GLRA3: variants seen among roughly 807,000 people sequenced by gnomAD.
GLRA3 encodes glycine receptor subunit alpha-3.
A neutral mutation model predicts 60.4 loss-of-function variants in GLRA3; 44 were observed. That is an observed-to-expected ratio of 0.73 (90% CI 0.57 to 0.94). GLRA3 has a LOEUF of 0.94. Among genes scored for constraint, GLRA3 ranks in the 40% least tolerant of loss-of-function variants. GLRA3 has a pLI of 0.00. For synonymous variants in GLRA3, 223 were observed against 192.9 expected (o/e 1.16, Z -1.29); for missense variants, 508 against 564.6 (o/e 0.90, Z 1.02).
At chr4:174,750,053 C>T (rs1225585020) in intron 3 of GLRA3, among the ~76,000 whole-genome samples, 2 of 152,256 alleles carry the variant, frequency 1.3e-5, no homozygotes, top group East Asian at 3.9e-4. Context: ...AACCTTCCAT[C>T]ACTGCCCTCA....
intron 7 of GLRA3, among the ~76,000 whole-genome samples, chr4:174,659,988 G>T (rs1356301953): frequency 8.1e-6 from 1 of 123,210 alleles, no homozygotes. Context: ...AAAAAAAATA[G>T]TAATAAGGAC....
intron 2 of GLRA3, among the ~76,000 whole-genome samples, chr4:174,768,479 T>C (rs955679765): frequency 1.3e-5 from 2 of 152,140 alleles, no homozygotes; most frequent in African/African-American, 2.4e-5. Context: ...ATCCAAGGAT[T>C]TTTATTTTTA....
At chr4:174,692,067 G>C (rs561031781) in intron 5 of GLRA3, among the ~76,000 whole-genome samples, 16 of 144,472 alleles carry the variant, frequency 1.1e-4, no homozygotes, top group Non-Finnish European at 2.0e-4. Context: ...GGTGAGGAGC[G>C]TCTCTGCTGG....
intron 1 of GLRA3, among the ~76,000 whole-genome samples, chr4:174,806,698 C>T (rs1422311107): frequency 2.0e-5 from 3 of 151,972 alleles, no homozygotes; most frequent in Admixed American, 1.3e-4. Context: ...TGTGGAAATA[C>T]GACTTTATTT....
intron 2 of GLRA3, among the ~76,000 whole-genome samples, chr4:174,783,775 AT>A (rs1361068454): frequency 6.6e-6 from 1 of 151,340 alleles, no homozygotes; most frequent in East Asian, 1.9e-4. Flanking sequence ...ATGAGATACC[AT>A]CTCACACCAG....
At chr4:174,704,266 C>T (rs1366313898) in intron 5 of GLRA3, among the ~76,000 whole-genome samples, 6 of 143,444 alleles carry the variant, frequency 4.2e-5, no homozygotes, top group South Asian at 2.2e-4. Flanking sequence ...TGCACTCCAG[C>T]GCGGGCAACA....
chr4:174,704,029 A>T (rs34944090), intron 5 of GLRA3, among the ~76,000 whole-genome samples: 73,073 of 123,024 alleles, frequency 0.59, 23,945 homozygotes, highest in East Asian at 0.95. Flanking sequence ...GCACGGTGGC[A>T]CAGGCATGTA....
intron 1 of GLRA3, among the ~76,000 whole-genome samples, chr4:174,825,650 A>G (rs1280788881): frequency 6.6e-6 from 1 of 152,104 alleles, no homozygotes; most frequent in Non-Finnish European, 1.5e-5. Flanking sequence ...TTTGTTCTTT[A>G]TTTTATTAAT....
intron 4 of GLRA3, 150 bp from the exon 5 acceptor site, chr4:174,715,720 G>T: frequency 2.0e-6 from 1 of 503,906 alleles, no homozygotes; most frequent in Non-Finnish European, 3.6e-6. Flanking sequence ...CTATAAAATA[G>T]CTATGCCCTT....
At chr4:174,689,618 T>G (rs1179811283) in intron 5 of GLRA3, among the ~76,000 whole-genome samples, 1 of 151,658 alleles carries the variant, frequency 6.6e-6, no homozygotes, top group Non-Finnish European at 1.5e-5. Flanking sequence ...CATTCTACAC[T>G]CCGTCCATAT....
At chr4:174,785,040 G>C (rs563553490) in intron 2 of GLRA3, among the ~76,000 whole-genome samples, 1 of 152,220 alleles carries the variant, frequency 6.6e-6, no homozygotes, top group South Asian at 2.1e-4. Flanking sequence ...GGAAGAGGCT[G>C]TCTTATCCAT....
chr4:174,778,624 G>C (rs527685764), intron 2 of GLRA3, among the ~76,000 whole-genome samples: 2 of 152,214 alleles, frequency 1.3e-5, no homozygotes, highest in South Asian at 2.1e-4. Flanking sequence ...TGCACGCACC[G>C]TGCGCGAGCC....
chr4:174,715,491 T>C lies in GLRA3; in HGVS notation c.571A>G (p.Ser191Gly). 1 of 1,481,468 alleles carries C rather than the reference T, an allele frequency of 6.8e-7. No individual in the cohort carries two copies. The highest frequency in any genetic ancestry group is 9.4e-7 in the Non-Finnish European group (1 of 1,063,394). 91.8% of individuals were successfully genotyped at this position (1,481,468 alleles called of 1,614,324 possible). ...DVQTCIMQLE[S>G]FGYTMNDLIF... ...AAAGTAAGTGGTTCATACTTACAGC[T>C]TTCCAGTTGCATTATACATGTTTGT... Residue 191 changes from serine to glycine, a missense_variant, in exon 5 of 10, where the codon AGC becomes GGC. Coordinates refer to ENST00000274093, the MANE Select transcript of GLRA3 (RefSeq NM_006529.4).
chr4:174,679,005 A>C (rs567194582), intron 6 of GLRA3, among the ~76,000 whole-genome samples: 1 of 152,276 alleles, frequency 6.6e-6, no homozygotes, highest in African/African-American at 2.4e-5. Context: ...GTTTTTATTT[A>C]AAAAGAGTGT....
intron 7 of GLRA3, among the ~76,000 whole-genome samples, chr4:174,675,961 A>T (rs1160392240): frequency 6.6e-6 from 1 of 152,158 alleles, no homozygotes; most frequent in Non-Finnish European, 1.5e-5. Context: ...GCAAGAAGAT[A>T]GCATCAAATG....
At chr4:174,652,552 G>A (rs4128165) in intron 9 of GLRA3, among the ~76,000 whole-genome samples, 78,058 of 151,722 alleles carry the variant, frequency 0.51, 21,603 homozygotes, top group African/African-American at 0.73. Flanking sequence ...TTTTACAGGA[G>A]TATCTTTTTT....
At chr4:174,797,192 G>T (rs563866600) in intron 1 of GLRA3, among the ~76,000 whole-genome samples, 1 of 152,304 alleles carries the variant, frequency 6.6e-6, no homozygotes, top group Admixed American at 6.5e-5. Flanking sequence ...TTTTGGATAA[G>T]AAACTTTACC....
intron 7 of GLRA3, among the ~76,000 whole-genome samples, chr4:174,664,971 A>G (rs1164292736): frequency 2.6e-5 from 4 of 152,196 alleles, no homozygotes; most frequent in African/African-American, 4.8e-5. Context: ...TTAGAAAAAC[A>G]TACAATAAAA....
At chr4:174,827,349 A>G (rs542026197) in intron 1 of GLRA3, among the ~76,000 whole-genome samples, 1 of 151,828 alleles carries the variant, frequency 6.6e-6, no homozygotes, top group Admixed American at 6.5e-5. Context: ...TTAGTTTCTG[A>G]CTTTAGCTTC....
Sources: allele counts gnomAD v4.1 joint callset (sites outside exome capture counted in the v4.1 genomes callset), GRCh38; gene constraint gnomAD v4.1.1; transcripts MANE v1.5; gene names NCBI Gene and HGNC (gene_info 2026-07-23, HGNC 2026-07-21).